Variants in NLRP5 observed in about 807,000 individuals in gnomAD.
NLRP5 encodes the protein NACHT, LRR and PYD domains-containing protein 5.
NLRP5 carries 93 observed loss-of-function variants against 113.1 expected under a neutral mutation model. The ratio of observed to expected loss-of-function variants is 0.82; its 90% CI spans 0.70 to 0.98. The LOEUF (loss-of-function observed/expected upper bound fraction) is 0.98. Among genes scored for constraint, NLRP5 ranks in the 50% least tolerant of loss-of-function variants. NLRP5 has a pLI of 0.00. For synonymous variants in NLRP5, 751 were observed against 600.7 expected, an observed-to-expected ratio of 1.25 and a Z score of -3.66; for missense variants, 1,808 against 1,514.3, an observed-to-expected ratio of 1.19 and a Z score of -3.22.
At chr19:55,997,533 GTA>G (rs149941270), upstream of NLRP5, among the ~76,000 whole-genome samples, 4,260 of 152,164 alleles carry the variant, frequency 0.028, 92 homozygotes, top group Middle Eastern at 0.051. Context: ...TATAAGTTCT[GTA>G]AAAGTTTAAA....
intron 6 of NLRP5, among the ~76,000 whole-genome samples, chr19:56,024,757 C>CAAA (rs572425329): frequency 2.8e-4 from 40 of 141,618 alleles, no homozygotes; most frequent in Non-Finnish European, 2.0e-4. Flanking sequence ...AACTGTGTCT[C>CAAA]AAAAAAAAAA....
intron 9 of NLRP5, among the ~76,000 whole-genome samples, chr19:56,034,876 T>TAAACCA (rs1333926301): frequency 2.6e-5 from 4 of 152,212 alleles, no homozygotes; most frequent in African/African-American, 9.6e-5. Context: ...GGTTTGTAAG[T>TAAACCA]CCTGGGAAGG....
intron 12 of NLRP5, among the ~76,000 whole-genome samples, chr19:56,053,221 C>G (rs148111820): frequency 1.1e-3 from 163 of 151,980 alleles, no homozygotes; most frequent in African/African-American, 3.8e-3. Context: ...CATGGAGAAA[C>G]CCCGTCTCTA....
upstream of NLRP5, among the ~76,000 whole-genome samples, chr19:55,998,527 C>G (rs1037732975): frequency 3.3e-5 from 5 of 151,346 alleles, no homozygotes. Flanking sequence ...GTGACAGGTG[C>G]CTGAAATCCC....
At chr19:56,050,276 C>CA (rs5828668) in intron 11 of NLRP5, 142 bp from the exon 12 acceptor site, 292,358 of 536,202 alleles carry the variant, frequency 0.55, 49,462 homozygotes, top group Admixed American at 0.62. Flanking sequence ...CAAGACTCCT[C>CA]AAAAAAAAAA....
intron 1 of NLRP5, among the ~76,000 whole-genome samples, chr19:56,001,768 G>C (rs927092604): frequency 6.6e-6 from 1 of 152,178 alleles, no homozygotes; most frequent in South Asian, 2.1e-4. Flanking sequence ...TAAATGTACA[G>C]ATGTCAAGCA....
chr19:56,058,320 T>C lies in NLRP5; in HGVS notation c.3380T>C (p.Leu1127Pro). The C allele has an allele frequency of 6.2e-7, 1 of 1,614,038 alleles. No homozygotes were observed. Among genetic ancestry groups the C allele is most frequent in the Non-Finnish European group, 8.5e-7 (1 of 1,179,900 alleles). ...TCCTGCAACCGGCATCTGACCAGTC[T>C]AAACCTGGTGCAGAATAACTTCAGT... Residue 1127 changes from leucine to proline, a missense_variant, in exon 14 of 15, where the codon CTA (leucine) becomes CCA (proline). Leu to Pro is a moderately conservative substitution (Grantham distance 98). Coordinates refer to ENST00000390649, the MANE Select transcript of NLRP5 (RefSeq NM_153447.4).
rs757887678 is a variant in NLRP5 at position 56,038,229 on chromosome 19, T to C, written c.2786+34T>C. 7.0e-6 allele frequency: 11 copies of C among 1,572,250 alleles called. No homozygotes were observed. In the African/African-American group the frequency reaches 1.4e-4, roughly 19 times the overall value. On this transcript the variant is annotated intron_variant, in intron 10 of 14. Coordinates refer to ENST00000390649, the MANE Select transcript of NLRP5 (RefSeq NM_153447.4). Reference sequence around the variant, plus strand: ...CACTTCCTTTCCACCAGGATTATCGTAACTTCCACCAGGATTATCGTAACT... The same window carrying C: ...CACTTCCTTTCCACCAGGATTATCGCAACTTCCACCAGGATTATCGTAACT...
chr19:56,003,329 T>C (rs1981727947), intron 1 of NLRP5, among the ~76,000 whole-genome samples: 1 of 152,198 alleles, frequency 6.6e-6, no homozygotes, highest in South Asian at 2.1e-4. Context: ...TTTTTTTATA[T>C]TTTTAATAGA....
the NLRP5 span, among the ~76,000 whole-genome samples, chr19:55,992,164 C>T: frequency 6.6e-6 from 1 of 152,262 alleles, no homozygotes; most frequent in Non-Finnish European, 1.5e-5. Context: ...ATGATGGCCC[C>T]CAGTTCCATC....
chr19:55,996,945 C>G (rs1322821884), upstream of NLRP5, among the ~76,000 whole-genome samples: 1 of 152,184 alleles, frequency 6.6e-6, no homozygotes, highest in African/African-American at 2.4e-5. Flanking sequence ...AGTTTACAGT[C>G]CCACCAACAG....
intron 1 of NLRP5, 122 bp from the exon 2 acceptor site, chr19:56,003,614 G>T: frequency 5.0e-6 from 6 of 1,195,084 alleles, no homozygotes; most frequent in Non-Finnish European, 5.9e-6. Flanking sequence ...GGCAACAAAT[G>T]CTTCGTCCAT....
At chr19:56,022,188 T>C (rs1345695897) in intron 6 of NLRP5, among the ~76,000 whole-genome samples, 1 of 152,164 alleles carries the variant, frequency 6.6e-6, no homozygotes, top group Non-Finnish European at 1.5e-5. Flanking sequence ...CAAGACACCT[T>C]CACGCTAACC....
the NLRP5 span, chr19:55,988,103 C>T: frequency 1.9e-6 from 1 of 519,224 alleles, no homozygotes; most frequent in Non-Finnish European, 3.5e-6. Context: ...TATTAATATG[C>T]TATGTAAGGC....
At chr19:56,008,291 G>T (rs1021077221) in intron 2 of NLRP5, among the ~76,000 whole-genome samples, 1 of 152,066 alleles carries the variant, frequency 6.6e-6, no homozygotes, top group Non-Finnish European at 1.5e-5. Context: ...TGATCCCCAA[G>T]TTTCTGGCAT....
rs569095909 is a variant in NLRP5, at chr19:56,058,810, G to A, written c.3470+400G>A. 1.9e-3 allele frequency among the ~76,000 whole-genome samples: 293 copies of A among 152,328 alleles called. No individual in the cohort carries two copies. In the Middle Eastern group the frequency reaches 0.02, roughly 11 times the overall value. On this transcript the variant is annotated intron_variant, in intron 14 of 14. Transcript: ENST00000390649. ...CATAATGCACAATAATAGCCAAGAG[G>A]TGGAAGTAACCCAGGCGCTCGTGGA...
In NLRP5 at chr19:56,058,364, C is replaced by A; in HGVS notation, c.3424C>A (p.Leu1142Met). ...CTTCAGTCCCAAAGGAATGATGAAGCTGTGTTCGGCCTTTGCCTGTCCCAC... is the reference window on the plus strand; with the variant it reads ...CTTCAGTCCCAAAGGAATGATGAAGATGTGTTCGGCCTTTGCCTGTCCCAC... Residue 1142 changes from leucine to methionine, a missense_variant, in exon 14 of 15, where the codon CTG becomes ATG. Leu to Met is a conservative substitution (Grantham distance 15). Transcript: ENST00000390649. 1 of 1,614,006 alleles carries A rather than the reference C, an allele frequency of 6.2e-7. No individual in the cohort carries two copies. The highest frequency in any genetic ancestry group is 8.5e-7 in the Non-Finnish European group (1 of 1,179,886).
At chr19:56,049,857 T>G (rs1260164196) in intron 11 of NLRP5, among the ~76,000 whole-genome samples, 1 of 152,190 alleles carries the variant, frequency 6.6e-6, no homozygotes, top group Non-Finnish European at 1.5e-5. Flanking sequence ...CGAGGATGTC[T>G]TCTTGGTTTG....
At chr19:56,000,540 A>G (rs1048451914) in intron 1 of NLRP5, among the ~76,000 whole-genome samples, 23 of 151,480 alleles carry the variant, frequency 1.5e-4, no homozygotes, top group African/African-American at 5.6e-4. Flanking sequence ...AATTTTTTGC[A>G]TTTTTAGTAG....
Sources: allele counts gnomAD v4.1 joint callset (sites outside exome capture counted in the v4.1 genomes callset), GRCh38; gene constraint gnomAD v4.1.1; transcripts MANE v1.5; gene names NCBI Gene and HGNC (gene_info 2026-07-23, HGNC 2026-07-21).